Variants in DCDC2 observed in about 807,000 individuals in gnomAD.
DCDC2 encodes doublecortin domain-containing protein 2.
Under a neutral mutation model 50.2 loss-of-function variants are expected in DCDC2, and 40 were observed. The observed-to-expected ratio is 0.80, with a 90% CI of 0.62 to 1.04. DCDC2 has a LOEUF of 1.04. Ranked by LOEUF, DCDC2 falls within the 50% of genes least tolerant of loss-of-function variation. The pLI is 0.00. For missense variants in DCDC2, 570 were observed against 581.9 expected, an observed-to-expected ratio of 0.98 and a Z score of 0.21; for synonymous variants, 234 against 210.6, an observed-to-expected ratio of 1.11 and a Z score of -0.96.
upstream of DCDC2, among the ~76,000 whole-genome samples, chr6:24,359,141 A>T (rs1249413345): frequency 4.7e-3 from 300 of 63,210 alleles, 7 homozygotes; most frequent in African/African-American, 0.022. Flanking sequence ...TTTTATATAT[A>T]TTATATATTT....
At chr6:24,178,800 T>C (rs1326474556) in intron 8 of DCDC2, among the ~76,000 whole-genome samples, 168 bp from the exon 9 acceptor site, 4 of 152,216 alleles carry the variant, frequency 2.6e-5, no homozygotes, top group Non-Finnish European at 1.5e-5. Flanking sequence ...ACCTACCACA[T>C]GCCACATGTT....
chr6:24,236,816 C>A (rs967521012), intron 7 of DCDC2, among the ~76,000 whole-genome samples: 4 of 152,082 alleles, frequency 2.6e-5, no homozygotes, highest in African/African-American at 9.7e-5. Flanking sequence ...TCAAGACCAG[C>A]CTGCCCAATA....
At chr6:24,291,297 C>G (rs1308471095) in intron 4 of DCDC2, among the ~76,000 whole-genome samples, 1 of 152,112 alleles carries the variant, frequency 6.6e-6, no homozygotes, top group Non-Finnish European at 1.5e-5. Context: ...AATGCAGATA[C>G]AATGACTATC....
chr6:24,249,739 C>T (rs1444880986), intron 7 of DCDC2, among the ~76,000 whole-genome samples: 6 of 152,150 alleles, frequency 3.9e-5, no homozygotes, highest in Non-Finnish European at 7.4e-5. Context: ...GAATATCATA[C>T]CCTCAGCACT....
chr6:24,281,206 A>G (rs1214006351), intron 6 of DCDC2, among the ~76,000 whole-genome samples: 1 of 152,210 alleles, frequency 6.6e-6, no homozygotes, highest in African/African-American at 2.4e-5. Flanking sequence ...TACATAATGC[A>G]TAGATTTTGC....
chr6:24,176,248 A>C (rs1760907643), intron 9 of DCDC2, among the ~76,000 whole-genome samples: 1 of 152,100 alleles, frequency 6.6e-6, no homozygotes, highest in Non-Finnish European at 1.5e-5. Context: ...GTGAGCTGTG[A>C]TCACGCCACT....
intron 7 of DCDC2, among the ~76,000 whole-genome samples, chr6:24,221,707 A>G (rs1228646396): frequency 6.6e-6 from 1 of 152,222 alleles, no homozygotes; most frequent in Non-Finnish European, 1.5e-5. Flanking sequence ...TTACCTGTGA[A>G]GTGGATATTT....
chr6:24,313,789 T>C (rs1482521970), intron 2 of DCDC2, among the ~76,000 whole-genome samples: 1 of 152,218 alleles, frequency 6.6e-6, no homozygotes, highest in Non-Finnish European at 1.5e-5. Flanking sequence ...AAAGGGAAGC[T>C]AACATTTTTG....
chr6:24,261,966 C>T (rs562704992), intron 7 of DCDC2, among the ~76,000 whole-genome samples: 2 of 152,244 alleles, frequency 1.3e-5, no homozygotes, highest in African/African-American at 4.8e-5. Context: ...CACCCCCCAA[C>T]AGGAATGCCA....
Position 24,245,659 on chromosome 6 carries a change from T to C in DCDC2, c.922+32390A>G, listed in dbSNP as rs559226907. 1.7e-4 allele frequency among the ~76,000 whole-genome samples: 26 copies of C among 152,246 alleles called. 1 individual carries two copies. The highest frequency in any genetic ancestry group is 6.2e-4 in the South Asian group (3 of 4,824). ...TTAGCAAAACAAACAAGACTTTCAG[T>C]TGAAGATTAGATTTACATATGATGT... On this transcript the variant is annotated intron_variant, in intron 7 of 9. Coordinates refer to ENST00000378454, the MANE Select transcript of DCDC2 (RefSeq NM_016356.5).
In DCDC2 at chr6:24,173,648, T is replaced by C. The variant is rs1205093074; in HGVS notation, c.*1082A>G. On this transcript the variant is annotated 3_prime_UTR_variant, in exon 10 of 10. Transcript: ENST00000378454. The stretch of plus-strand genomic sequence containing the variant: ...TATAATAACTTCTAAAGTTTTACAA[T>C]TTCTATCAGATGCCTTCTAATTACA... 1 of 152,206 alleles carries C rather than the reference T, an allele frequency of 6.6e-6. No homozygotes were observed. The highest frequency in any genetic ancestry group is 1.5e-5 in the Non-Finnish European group (1 of 68,030). 9.4% of individuals were successfully genotyped at this position (152,206 alleles called of 1,614,324 possible).
chr6:24,358,831 TTA>T (rs1364998382), upstream of DCDC2, among the ~76,000 whole-genome samples: 12 of 46,720 alleles, frequency 2.6e-4, no homozygotes, highest in South Asian at 5.5e-4. Flanking sequence ...TATATTATAT[TTA>T]TATATATATT....
chr6:24,209,657 C>T (rs936538739), intron 7 of DCDC2, among the ~76,000 whole-genome samples: 1 of 152,178 alleles, frequency 6.6e-6, no homozygotes, highest in African/African-American at 2.4e-5. Context: ...TTCAACTGCT[C>T]ATGAAACGTC....
intron 7 of DCDC2, among the ~76,000 whole-genome samples, chr6:24,239,080 G>A (rs1211882271): frequency 6.6e-6 from 1 of 152,182 alleles, no homozygotes; most frequent in Non-Finnish European, 1.5e-5. Flanking sequence ...CAAGTGTCAA[G>A]CATTCATATC....
At chr6:24,229,540 T>A (rs1252314285) in intron 7 of DCDC2, among the ~76,000 whole-genome samples, 1 of 152,130 alleles carries the variant, frequency 6.6e-6, no homozygotes, top group Admixed American at 6.5e-5. Flanking sequence ...GGCCGTTATT[T>A]TGCTTGCCAC....
the DCDC2 span, among the ~76,000 whole-genome samples, chr6:24,382,001 A>AGGCAGGC: frequency 6.5e-4 from 74 of 113,144 alleles, no homozygotes; most frequent in South Asian, 3.7e-3. Flanking sequence ...GGAAGGAAGG[A>AGGCAGGC]AGGAAGGAAG....
At chr6:24,278,644 T>G (rs1012147764) in intron 6 of DCDC2, among the ~76,000 whole-genome samples, 1 of 152,152 alleles carries the variant, frequency 6.6e-6, no homozygotes, top group Non-Finnish European at 1.5e-5. Flanking sequence ...CCAAAACCAC[T>G]GTAAATCCAC....
At chr6:24,323,842 C>A (rs1759813056) in intron 2 of DCDC2, among the ~76,000 whole-genome samples, 1 of 152,164 alleles carries the variant, frequency 6.6e-6, no homozygotes. Context: ...GAAATTTGAT[C>A]CTCTATTACT....
chr6:24,299,989 G>C (rs1317808163), intron 4 of DCDC2, among the ~76,000 whole-genome samples: 1 of 152,070 alleles, frequency 6.6e-6, no homozygotes, highest in African/African-American at 2.4e-5. Flanking sequence ...AGAGGTATCT[G>C]TGCTGATAAG....
Sources: allele counts gnomAD v4.1 joint callset (sites outside exome capture counted in the v4.1 genomes callset), GRCh38; gene constraint gnomAD v4.1.1; transcripts MANE v1.5; gene names NCBI Gene and HGNC (gene_info 2026-07-23, HGNC 2026-07-21).